WFDC10B: variants seen among roughly 807,000 people sequenced by gnomAD.
WFDC10B encodes the protein WAP four-disulfide core domain 10B.
A neutral mutation model predicts 2.7 loss-of-function variants in WFDC10B; 1 was observed. The ratio of observed to expected loss-of-function variants is 0.38; its 90% CI spans 0.13 to 1.79. The LOEUF is 1.79. Among genes scored for constraint, WFDC10B ranks in the 40% most tolerant of loss-of-function variants. The pLI is 0.33. For missense variants in WFDC10B, 71 were observed against 87.8 expected (o/e 0.81, Z 0.76); for synonymous variants, 26 against 32.2 (o/e 0.81, Z 0.65).
chr20:45,704,713 A>G, intron 1 of WFDC10B, 152 bp from the exon 2 acceptor site: 2 of 1,453,864 alleles, frequency 1.4e-6, no homozygotes, highest in South Asian at 1.4e-5. Context: ...CTTGGTGGCC[A>G]TGTTGCCAAC....
At chr20:45,689,843 T>C (rs1312552145) in intron 2 of WFDC10B, among the ~76,000 whole-genome samples, 1 of 152,218 alleles carries the variant, frequency 6.6e-6, no homozygotes, top group Non-Finnish European at 1.5e-5. Flanking sequence ...TTCCTTCTCC[T>C]GCCTAATTGC....
At chr20:45,698,320 G>A (rs1252126776) in intron 2 of WFDC10B, among the ~76,000 whole-genome samples, 1 of 152,070 alleles carries the variant, frequency 6.6e-6, no homozygotes, top group Non-Finnish European at 1.5e-5. Flanking sequence ...AAATATAAAA[G>A]CTACAGAATT....
intron 2 of WFDC10B, chr20:45,702,038 C>G: frequency 7.5e-7 from 1 of 1,334,670 alleles, no homozygotes. Context: ...CCACTTTGCC[C>G]TCTTTCCTTC....
intron 2 of WFDC10B, among the ~76,000 whole-genome samples, chr20:45,696,017 T>C (rs895025550): frequency 6.6e-6 from 1 of 152,126 alleles, no homozygotes. Flanking sequence ...CCAGGCGCAG[T>C]GGCTCACGCC....
rs74953973 is a variant in WFDC10B, at chr20:45,697,240, G to T, written c.-65+7257C>A. Among the ~76,000 whole-genome samples the T allele has an allele frequency of 2.0e-3, 303 of 152,212 alleles. 6 individuals carry two copies. In the East Asian group the frequency reaches 0.047, roughly 24 times the overall value. Reference sequence around the variant, plus strand: ...AAAAAGGAAATTAAGGAAACAATTTGATTTACAACAGGCTATGAAAGGATA... The same window carrying T: ...AAAAAGGAAATTAAGGAAACAATTTTATTTACAACAGGCTATGAAAGGATA... On this transcript the variant is annotated intron_variant, in intron 2 of 3. Transcript: ENST00000330523.
rs770783372 is a variant in WFDC10B, at chr20:45,684,949, A to G, written c.103T>C (p.Cys35Arg). 3 of 1,613,926 alleles carry G rather than the reference A, an allele frequency of 1.9e-6. No homozygotes were observed. The highest frequency in any genetic ancestry group is 1.3e-5 in the African/African-American group (1 of 75,022). ...DKMRMQRIKV[C>R]EKRPSIDLCI... ...AGATCTATGCTGGGTCGCTTCTCAC[A>G]GACCTTGATTCCTGAAATGATGCAG... The change falls in exon 4 of 4, where the codon TGT (cysteine) becomes CGT (arginine). Residue 35 changes from cysteine (C) to arginine (R), a missense_variant. Coordinates refer to ENST00000330523, the MANE Select transcript of WFDC10B (RefSeq NM_172006.2).
chr20:45,685,132 T>A (rs1983565892), intron 3 of WFDC10B, among the ~76,000 whole-genome samples, 172 bp from the exon 4 acceptor site: 1 of 152,042 alleles, frequency 6.6e-6, no homozygotes, highest in Non-Finnish European at 1.5e-5. Context: ...ATTGGCAGTA[T>A]CTTAAATCCT....
At chr20:45,704,682 C>A in intron 1 of WFDC10B, 121 bp from the exon 2 acceptor site, 2 of 1,473,508 alleles carry the variant, frequency 1.4e-6, no homozygotes, top group Non-Finnish European at 1.8e-6. Flanking sequence ...TGTGCTGGAT[C>A]TCTCCTTTTT....
At chr20:45,701,940 T>C (rs770319756) in intron 2 of WFDC10B, 35 of 598,916 alleles carry the variant, frequency 5.8e-5, no homozygotes, top group Non-Finnish European at 9.6e-5. Context: ...TACGTGACCC[T>C]GGAGTGGGTG....
At chr20:45,702,818 T>C (rs150615119) in intron 2 of WFDC10B, among the ~76,000 whole-genome samples, 2 of 152,342 alleles carry the variant, frequency 1.3e-5, no homozygotes, top group Non-Finnish European at 2.9e-5. Flanking sequence ...CTGGCTCTAG[T>C]AATGTTGACC....
At position 45,704,531 on chromosome 20, in the gene WFDC10B, T is replaced by G. The variant is rs1298025348; in HGVS notation, c.-99A>C. ...ATGCAGGAAGATTGCGAGAAAGGATTTCAGTGCTGTTCCTCCTTCTGTGGG... is the reference window on the plus strand; with the variant it reads ...ATGCAGGAAGATTGCGAGAAAGGATGTCAGTGCTGTTCCTCCTTCTGTGGG... On this transcript the variant is annotated 5_prime_UTR_variant, in exon 2 of 4. Coordinates refer to ENST00000330523, the MANE Select transcript of WFDC10B (RefSeq NM_172006.2). The G allele has an allele frequency of 1.2e-6, 2 of 1,614,044 alleles. No individual in the cohort carries two copies. The highest frequency in any genetic ancestry group is 2.7e-5 in the African/African-American group (2 of 74,926).
chr20:45,693,307 C>T (rs6073860), intron 2 of WFDC10B, among the ~76,000 whole-genome samples: 32 of 152,074 alleles, frequency 2.1e-4, no homozygotes, highest in African/African-American at 6.5e-4. Context: ...AGGCAGTCTG[C>T]CCATTCTCAG....
intron 2 of WFDC10B, among the ~76,000 whole-genome samples, chr20:45,694,005 A>T (rs931393736): frequency 2.0e-5 from 3 of 152,132 alleles, no homozygotes; most frequent in Non-Finnish European, 2.9e-5. Context: ...TTATAAATTT[A>T]AGTTCCTTGT....
chr20:45,702,038 C>T, intron 2 of WFDC10B: 2 of 1,334,670 alleles, frequency 1.5e-6, no homozygotes, highest in Non-Finnish European at 2.1e-6. Context: ...CCACTTTGCC[C>T]TCTTTCCTTC....
intron 2 of WFDC10B, among the ~76,000 whole-genome samples, chr20:45,703,917 G>A (rs779209934): frequency 1.3e-4 from 20 of 152,144 alleles, no homozygotes; most frequent in Admixed American, 1.2e-3. Flanking sequence ...TTGGGTCCCA[G>A]CTCTCTGATC....
chr20:45,690,865 T>G (rs1223197246), intron 2 of WFDC10B, among the ~76,000 whole-genome samples: 1 of 152,232 alleles, frequency 6.6e-6, no homozygotes, highest in Admixed American at 6.5e-5. Flanking sequence ...AGTTATTTCT[T>G]GCTTTCTGCT....
intron 2 of WFDC10B, among the ~76,000 whole-genome samples, chr20:45,699,586 C>T (rs797003998): frequency 3.3e-5 from 5 of 152,310 alleles, no homozygotes; most frequent in South Asian, 2.1e-4. Context: ...CTGTAGGAAA[C>T]GTGCACAGTC....
At chr20:45,698,966 TAAA>T (rs113263985) in intron 2 of WFDC10B, among the ~76,000 whole-genome samples, 3 of 122,440 alleles carry the variant, frequency 2.5e-5, no homozygotes, top group African/African-American at 3.1e-5. Flanking sequence ...AGAATCCATC[TAAA>T]AAAAAAAAAA....
intron 1 of WFDC10B, 117 bp downstream of exon 1, chr20:45,704,801 A>C: frequency 7.7e-7 from 1 of 1,294,806 alleles, no homozygotes; most frequent in African/African-American, 1.5e-5. Flanking sequence ...CAATCACCAC[A>C]TCCCATCACC....
Sources: gnomAD v4.1 joint callset for allele counts (sites outside exome capture counted in the v4.1 genomes callset) on GRCh38, gnomAD v4.1.1 for gene constraint, MANE v1.5 for transcripts, NCBI Gene and HGNC (gene_info 2026-07-23, HGNC 2026-07-21) for gene names.